The following CREB5 variants were observed in gnomAD, a reference collection of about 807,000 sequenced individuals.
The protein encoded by CREB5 is cAMP responsive element binding protein 5.
CREB5 carries 19 observed loss-of-function variants against 57.1 expected under a neutral mutation model. That is an observed-to-expected ratio of 0.33 (90% CI 0.23 to 0.49). The LOEUF (loss-of-function observed/expected upper bound fraction) is 0.49, where lower values mean the gene tolerates loss of function less well. Among genes scored for constraint, CREB5 ranks in the 20% least tolerant of loss-of-function variants. The probability of loss-of-function intolerance (pLI) is 0.99; values close to 1 mark genes in which losing one functional copy is unlikely to be tolerated. For missense variants in CREB5, 579 were observed against 671.6 expected, an observed-to-expected ratio of 0.86 and a Z score of 1.52; for synonymous variants, 238 against 238.3, an observed-to-expected ratio of 1.00 and a Z score of 0.01.
chr7:28,792,790 C>T (rs558385563), intron 7 of CREB5, among the ~76,000 whole-genome samples: 10 of 152,260 alleles, frequency 6.6e-5, no homozygotes, highest in African/African-American at 2.2e-4. Flanking sequence ...CCCTCAGAGA[C>T]TTCTACAGGT....
In CREB5 at chr7:28,804,477, C is replaced by A; in HGVS notation, c.981C>A (p.His327Gln). 3 of 1,614,160 alleles carry A rather than the reference C, an allele frequency of 1.9e-6. No homozygotes were observed. Among genetic ancestry groups the A allele is most frequent in the Non-Finnish European group, 2.5e-6 (3 of 1,180,020 alleles). The change falls in exon 8 of 11, where the codon CAC (histidine) becomes CAA (glutamine). Residue 327 changes from histidine to glutamine, a missense_variant. Transcript: ENST00000357727. ...HSHLHAHPAH[H>Q]QTSPHPPLHT... The stretch of plus-strand genomic sequence containing the variant: ...ACCTTCATGCACACCCAGCACATCA[C>A]CAGACCTCGCCACATCCGCCCCTGC...
At chr7:28,730,464 C>T (rs1019676695) in intron 7 of CREB5, among the ~76,000 whole-genome samples, 1 of 152,028 alleles carries the variant, frequency 6.6e-6, no homozygotes, top group Non-Finnish European at 1.5e-5. Context: ...GGATTACAGG[C>T]ATGAGCCACC....
At chr7:28,496,243 C>A (rs954953912) in intron 3 of CREB5, among the ~76,000 whole-genome samples, 1 of 152,242 alleles carries the variant, frequency 6.6e-6, no homozygotes, top group African/African-American at 2.4e-5. Context: ...CTTAGCACTT[C>A]TCTCCTTAGC....
intron 5 of CREB5, among the ~76,000 whole-genome samples, chr7:28,631,058 A>G (rs1349698156): frequency 6.6e-6 from 1 of 152,190 alleles, no homozygotes; most frequent in African/African-American, 2.4e-5. Flanking sequence ...ACATGGCTCA[A>G]CCACTACAGG....
At chr7:28,642,721 A>G (rs1025870307) in intron 5 of CREB5, among the ~76,000 whole-genome samples, 3 of 152,176 alleles carry the variant, frequency 2.0e-5, no homozygotes, top group African/African-American at 4.8e-5. Context: ...CTCATGTATT[A>G]GTCTCATCTC....
At chr7:28,328,694 G>C (rs895083007) in intron 1 of CREB5, among the ~76,000 whole-genome samples, 16 of 152,150 alleles carry the variant, frequency 1.1e-4, no homozygotes, top group African/African-American at 3.9e-4. Flanking sequence ...CTGCTTCTGG[G>C]AAGTGGTTCT....
chr7:28,732,754 T>G (rs1028955131), intron 7 of CREB5, among the ~76,000 whole-genome samples: 3 of 144,352 alleles, frequency 2.1e-5, no homozygotes, highest in Admixed American at 1.5e-4. Context: ...GCACAGAAGA[T>G]CTATCTGGAA....
At chr7:28,382,074 G>C (rs1786977409) in intron 1 of CREB5, among the ~76,000 whole-genome samples, 1 of 151,964 alleles carries the variant, frequency 6.6e-6, no homozygotes. Flanking sequence ...AGGCCCGAGA[G>C]CCCAGGGGCC....
At chr7:28,646,279 T>C (rs1043078651) in intron 5 of CREB5, among the ~76,000 whole-genome samples, 4 of 152,134 alleles carry the variant, frequency 2.6e-5, no homozygotes, top group East Asian at 1.9e-4. Context: ...TATTTTTCCA[T>C]GAGCAATTTT....
At chr7:28,569,089 T>C (rs1241932894) in intron 4 of CREB5, among the ~76,000 whole-genome samples, 1 of 152,142 alleles carries the variant, frequency 6.6e-6, no homozygotes, top group Non-Finnish European at 1.5e-5. Context: ...TTGCCACTTA[T>C]AAAGACTTAC....
intron 5 of CREB5, among the ~76,000 whole-genome samples, chr7:28,669,156 A>C (rs1307865331): frequency 6.6e-6 from 1 of 152,390 alleles, no homozygotes; most frequent in East Asian, 1.9e-4. Context: ...AAGGATCAGC[A>C]TTAGCAAAGT....
At chr7:28,516,742 A>T (rs185147117) in intron 4 of CREB5, among the ~76,000 whole-genome samples, 1 of 152,316 alleles carries the variant, frequency 6.6e-6, no homozygotes, top group East Asian at 1.9e-4. Flanking sequence ...TTTAAATTCC[A>T]GGTTGGGTCG....
chr7:28,561,912 T>A (rs911249584), intron 4 of CREB5, among the ~76,000 whole-genome samples: 2 of 152,162 alleles, frequency 1.3e-5, no homozygotes, highest in African/African-American at 4.8e-5. Flanking sequence ...GCCCAGCTAA[T>A]TTTTGTATTT....
chr7:28,467,473 A>G (rs571608770), intron 1 of CREB5, among the ~76,000 whole-genome samples: 19 of 152,314 alleles, frequency 1.2e-4, no homozygotes, highest in African/African-American at 3.8e-4. Context: ...AGTCCTGTCT[A>G]CTGTTTGCTG....
chr7:28,767,597 T>A (rs1160170617), intron 7 of CREB5, among the ~76,000 whole-genome samples: 1 of 152,152 alleles, frequency 6.6e-6, no homozygotes, highest in East Asian at 1.9e-4. Context: ...TGAGGAGCAT[T>A]TTTAACCTTT....
At chr7:28,317,386 G>A (rs1401236176) in intron 1 of CREB5, among the ~76,000 whole-genome samples, 1 of 152,172 alleles carries the variant, frequency 6.6e-6, no homozygotes, top group African/African-American at 2.4e-5. Context: ...TCCACCTGGG[G>A]TATCCCATAA....
rs200163074 is a variant in CREB5 at position 28,644,188 on chromosome 7, A to AGGAAGGGAAG, written c.464+73664_464+73673dup. On this transcript the variant is annotated intron_variant, in intron 5 of 10. Coordinates refer to ENST00000357727, the MANE Select transcript of CREB5 (RefSeq NM_182898.4). ...GAAAGAGAAAGAAAGAAAAAGGGAA[A>AGGAAGGGAAG]GGAAGGGAAGGGAAGGGAAGGGGAG... Among the ~76,000 whole-genome samples the AGGAAGGGAAG allele has an allele frequency of 1.1e-3, 167 of 152,144 alleles. 2 individuals carry two copies. The highest frequency in any genetic ancestry group is 3.8e-3 in the African/African-American group (157 of 41,528).
chr7:28,327,605 G>A (rs2127985790), intron 1 of CREB5, among the ~76,000 whole-genome samples: 1 of 152,054 alleles, frequency 6.6e-6, no homozygotes, highest in South Asian at 2.1e-4. Flanking sequence ...CCCATAATTG[G>A]GCATTTCTGT....
At chr7:28,523,699 C>A (rs1793305920) in intron 4 of CREB5, among the ~76,000 whole-genome samples, 1 of 152,220 alleles carries the variant, frequency 6.6e-6, no homozygotes, top group South Asian at 2.1e-4. Context: ...CCTTGCTGTG[C>A]TTGCCCATGC....
Sources: gnomAD v4.1 joint callset for allele counts (sites outside exome capture counted in the v4.1 genomes callset) on GRCh38, gnomAD v4.1.1 for gene constraint, MANE v1.5 for transcripts, NCBI Gene and HGNC (gene_info 2026-07-23, HGNC 2026-07-21) for gene names.